CCNG1: variants seen among roughly 807,000 people sequenced by gnomAD.
The protein encoded by CCNG1 is cyclin G1.
CCNG1 carries 13 observed loss-of-function variants against 30.0 expected under a neutral mutation model. The observed-to-expected ratio is 0.43, with a 90% CI of 0.28 to 0.69. The LOEUF is 0.69. Ranked by LOEUF, CCNG1 falls within the 30% of genes least tolerant of loss-of-function variation. CCNG1 has a pLI of 0.16. For missense variants in CCNG1, 285 were observed against 331.4 expected (o/e 0.86, Z 1.09); for synonymous variants, 110 against 121.5 (o/e 0.91, Z 0.62).
At chr5:163,453,084 G>A in the CCNG1 span, 1 of 152,156 alleles carries the variant, frequency 6.6e-6, no homozygotes, top group Non-Finnish European at 1.5e-5. Context: ...ATAGTAATCA[G>A]TAATGAGGAA....
chr5:163,441,410 C>A, intron 3 of CCNG1, 79 bp downstream of exon 3: 1 of 1,289,174 alleles, frequency 7.8e-7, no homozygotes, highest in Admixed American at 2.4e-5. Flanking sequence ...AATCAGTATC[C>A]TCATAGAATT....
chr5:163,454,107 A>G, the CCNG1 span: 1 of 852,186 alleles, frequency 1.2e-6, no homozygotes, highest in Non-Finnish European at 1.7e-6. Context: ...AAATACAAGT[A>G]CAAACTGGCA....
At chr5:163,457,471 G>C in the CCNG1 span, 1 of 801,546 alleles carries the variant, frequency 1.2e-6, no homozygotes, top group Non-Finnish European at 2.1e-6. Context: ...ATCTTTCAAA[G>C]CTGCAAAGAC....
intron 6 of CCNG1, 99 bp downstream of exon 6, chr5:163,442,667 G>C: frequency 1.0e-6 from 1 of 954,898 alleles, no homozygotes; most frequent in Non-Finnish European, 1.6e-6. Context: ...AAACAAAATG[G>C]AGTTGGAATA....
At chr5:163,457,227 G>A in the CCNG1 span, 4 of 809,688 alleles carry the variant, frequency 4.9e-6, no homozygotes, top group South Asian at 4.2e-5. Flanking sequence ...CGCCCCCCGG[G>A]TTCAAGTGAT....
At chr5:163,437,592 G>C (rs1020896587), upstream of CCNG1, 9 of 152,184 alleles carry the variant, frequency 5.9e-5, no homozygotes, top group Non-Finnish European at 1.0e-4. Flanking sequence ...GGGCAGGCGC[G>C]GCCCCTTCGG....
rs992706892 is a variant in CCNG1, at chr5:163,443,730, G to A, written c.*60G>A. On this transcript the variant is annotated 3_prime_UTR_variant, in exon 7 of 7. Coordinates refer to ENST00000340828, the MANE Select transcript of CCNG1 (RefSeq NM_004060.4). ...GCCTTTCTCCACAACCTTGTTCTAT[G>A]GATTCCATAATGTTACAATGGATTT... The A allele has an allele frequency of 1.6e-5, 25 of 1,525,000 alleles. No individual in the cohort carries two copies. Among genetic ancestry groups the A allele is most frequent in the Non-Finnish European group, 2.2e-5 (25 of 1,138,464 alleles). 94.5% of individuals were successfully genotyped at this position (1,525,000 alleles called of 1,614,324 possible). A position where few individuals can be genotyped will look rare whatever the true frequency, so the allele number is the denominator to read the frequency against.
chr5:163,448,864 A>G (rs1011721918), downstream of CCNG1: 12 of 152,226 alleles, frequency 7.9e-5, no homozygotes, highest in African/African-American at 2.9e-4. Flanking sequence ...AAAAAGAATG[A>G]CCAAACTGAT....
chr5:163,446,047 T>A (rs1319993682), downstream of CCNG1: 2 of 152,158 alleles, frequency 1.3e-5, no homozygotes, highest in African/African-American at 4.8e-5. Context: ...TTGAATTAAT[T>A]AATATGATTT....
At chr5:163,457,184 T>C in the CCNG1 span, 1 of 1,216,468 alleles carries the variant, frequency 8.2e-7, no homozygotes, top group Admixed American at 3.0e-5. Flanking sequence ...CAGGCTGGAG[T>C]GCAGCGGCTT....
At chr5:163,456,963 T>A in the CCNG1 span, 1 of 1,611,922 alleles carries the variant, frequency 6.2e-7, no homozygotes, top group Non-Finnish European at 8.5e-7. Context: ...AAGCTTTCTC[T>A]GCATTTGGTC....
chr5:163,457,411 C>G, the CCNG1 span: 19 of 602,496 alleles, frequency 3.2e-5, no homozygotes, highest in Non-Finnish European at 4.2e-5. Flanking sequence ...TTTCTCCCCC[C>G]ACTAGGTAAC....
intron 1 of CCNG1, 135 bp from the exon 2 acceptor site, chr5:163,439,122 C>A (rs1267281808): frequency 2.8e-6 from 2 of 716,926 alleles, no homozygotes; most frequent in Admixed American, 5.2e-5. Context: ...TGGCACTTTG[C>A]AATGACTTAG....
At chr5:163,437,983 G>A (rs756801526) in intron 1 of CCNG1, among the ~76,000 whole-genome samples, 179 bp downstream of exon 1, 8 of 152,170 alleles carry the variant, frequency 5.3e-5, no homozygotes, top group Non-Finnish European at 1.0e-4. Flanking sequence ...GCCTCCTGAG[G>A]TGCCTTTCGT....
At chr5:163,452,942 A>G in the CCNG1 span, 1 of 152,222 alleles carries the variant, frequency 6.6e-6, no homozygotes, top group Non-Finnish European at 1.5e-5. Flanking sequence ...CTCTTGCTAT[A>G]TGGACATTAT....
At chr5:163,439,097 GAAAT>G in intron 1 of CCNG1, 156 bp from the exon 2 acceptor site, 1 of 620,016 alleles carries the variant, frequency 1.6e-6, no homozygotes. Context: ...TTGTAGAAGG[GAAAT>G]AAATAACAGA....
chr5:163,456,117 G>C, the CCNG1 span, among the ~76,000 whole-genome samples: 1 of 152,156 alleles, frequency 6.6e-6, no homozygotes, highest in South Asian at 2.1e-4. Context: ...TAGATAGCCA[G>C]GTGGAGATGT....
downstream of CCNG1, chr5:163,449,081 T>G (rs1316496271): frequency 1.3e-5 from 2 of 152,180 alleles, no homozygotes; most frequent in Admixed American, 6.5e-5. Flanking sequence ...TTCTGGCCAC[T>G]GCAATCAGGC....
At chr5:163,457,089 A>C in the CCNG1 span, 1 of 1,589,340 alleles carries the variant, frequency 6.3e-7, no homozygotes, top group East Asian at 2.2e-5. Flanking sequence ...CTCTAAAAAA[A>C]AAACACACAC....
Sources: allele counts gnomAD v4.1 joint callset (sites outside exome capture counted in the v4.1 genomes callset), GRCh38; gene constraint gnomAD v4.1.1; transcripts MANE v1.5; gene names NCBI Gene and HGNC (gene_info 2026-07-23, HGNC 2026-07-21).